The following ARSG variants were observed in gnomAD, a reference collection of about 807,000 sequenced individuals.
ARSG encodes the protein ASG.
ARSG carries 37 observed loss-of-function variants against 50.5 expected under a neutral mutation model. That is an observed-to-expected ratio of 0.73 (90% CI 0.56 to 0.96). The LOEUF (loss-of-function observed/expected upper bound fraction) is 0.96. ARSG is among the 50% of genes least tolerant of loss of function. The pLI, the probability that ARSG is intolerant of heterozygous loss-of-function variation, is 0.00. For synonymous variants in ARSG, 225 were observed against 254.6 expected (o/e 0.88, Z 1.11); for missense variants, 629 against 675.3 (o/e 0.93, Z 0.76).
Position 68,298,373 on chromosome 17 carries a change from T to C in ARSG, c.-552+6805T>C, listed in dbSNP as rs2145401735. ...ATCCCAGCAATTTGGGAGGGTGAGG[T>C]GGGTGGATCACTTTGAGATCAGGAG... is the stretch of plus-strand genomic sequence containing the variant. On this transcript the variant is annotated intron_variant, in intron 1 of 11. Coordinates refer to ENST00000621439, the MANE Select transcript of ARSG (RefSeq NM_001267727.2). Among the ~76,000 whole-genome samples the C allele has an allele frequency of 1.3e-5, 2 of 151,462 alleles. 1 individual carries two copies. Among genetic ancestry groups the C allele is most frequent in the Admixed American group, 1.3e-4 (2 of 15,234 alleles).
chr17:68,376,470 T>C (rs1216814125), intron 8 of ARSG, among the ~76,000 whole-genome samples: 1 of 151,966 alleles, frequency 6.6e-6, no homozygotes, highest in Admixed American at 6.6e-5. Context: ...AAAATTTTTT[T>C]TGTAGAGACG....
At chr17:68,441,771 T>C in the ARSG span, among the ~76,000 whole-genome samples, 1,338 of 152,216 alleles carry the variant, frequency 8.8e-3, 30 homozygotes, top group East Asian at 0.067. Flanking sequence ...AATGATCATC[T>C]CCATTTTACT....
At chr17:68,261,022 T>C (rs1246652777) in intron 1 of ARSG, among the ~76,000 whole-genome samples, 3 of 152,218 alleles carry the variant, frequency 2.0e-5, no homozygotes, top group African/African-American at 7.2e-5. Flanking sequence ...ACCCATATAG[T>C]ACACTACTGC....
At chr17:68,292,134 C>G (rs2076027468) in intron 1 of ARSG, among the ~76,000 whole-genome samples, 1 of 152,228 alleles carries the variant, frequency 6.6e-6, no homozygotes, top group African/African-American at 2.4e-5. Flanking sequence ...TTGCTTCCCC[C>G]ACTTTGCTGC....
chr17:68,363,528 C>T (rs1275656643), intron 6 of ARSG, among the ~76,000 whole-genome samples: 1 of 152,008 alleles, frequency 6.6e-6, no homozygotes, highest in Non-Finnish European at 1.5e-5. Context: ...AGTGCAATGG[C>T]GCGATCTCGG....
the ARSG span, among the ~76,000 whole-genome samples, chr17:68,443,292 T>G: frequency 6.6e-6 from 1 of 152,072 alleles, no homozygotes; most frequent in African/African-American, 2.4e-5. Flanking sequence ...TGTATTTTTT[T>G]GGTAGAGACA....
At position 68,278,210 on chromosome 17, in the gene ARSG, G is replaced by T. The variant is rs782359692; in HGVS notation, c.-552+18784G>T. Reference sequence around the variant, plus strand: ...CAAATGTCTTGATGATGCCGTAGGTGAAGACTTCAACGAAGAAAAATGAAA... The same window carrying T: ...CAAATGTCTTGATGATGCCGTAGGTTAAGACTTCAACGAAGAAAAATGAAA... On this transcript the variant is annotated intron_variant, in intron 1 of 11. Coordinates refer to the ARSG transcript ENST00000448504. 8.7e-6 allele frequency: 14 copies of T among 1,614,036 alleles called. No individual in the cohort carries two copies. The highest frequency in any genetic ancestry group is 2.2e-5 in the South Asian group (2 of 91,092).
chr17:68,449,749 C>A, the ARSG span, among the ~76,000 whole-genome samples: 7 of 152,226 alleles, frequency 4.6e-5, no homozygotes, highest in Non-Finnish European at 1.0e-4. Flanking sequence ...GCCTGCAGAA[C>A]CTTGACCCAG....
downstream of ARSG, chr17:68,425,849 C>G: frequency 2.1e-6 from 1 of 470,014 alleles, no homozygotes; most frequent in South Asian, 3.3e-5. Context: ...GATTAGTATT[C>G]GGTGACTCTA....
chr17:68,314,525 CAAAAAA>C (rs57021660), intron 2 of ARSG, among the ~76,000 whole-genome samples: 2 of 116,996 alleles, frequency 1.7e-5, no homozygotes, highest in Non-Finnish European at 1.7e-5. Flanking sequence ...GACTCCATCT[CAAAAAA>C]AAAAAAAAAA....
At chr17:68,384,984 T>C (rs1224891570) in intron 8 of ARSG, 80 bp from the exon 9 acceptor site, 1 of 1,178,544 alleles carries the variant, frequency 8.5e-7, no homozygotes, top group Non-Finnish European at 1.2e-6. Context: ...AGAGGGGTTC[T>C]CCCAGAGACT....
intron 9 of ARSG, among the ~76,000 whole-genome samples, chr17:68,390,922 C>T (rs903111333): frequency 8.5e-5 from 9 of 105,740 alleles, no homozygotes; most frequent in East Asian, 5.4e-4. Flanking sequence ...CCACTGTGCC[C>T]GGTCCTTTTT....
At chr17:68,335,310 T>C (rs535211354) in intron 2 of ARSG, among the ~76,000 whole-genome samples, 1 of 152,080 alleles carries the variant, frequency 6.6e-6, no homozygotes, top group East Asian at 1.9e-4. Flanking sequence ...TCCCAGCACT[T>C]TGGGAGGCCG....
chr17:68,310,368 G>A (rs565892694), intron 2 of ARSG, among the ~76,000 whole-genome samples: 6 of 152,322 alleles, frequency 3.9e-5, no homozygotes, highest in South Asian at 4.1e-4. Flanking sequence ...TGAGGCGTGG[G>A]AGATGTGACT....
chr17:68,321,245 G>A (rs1450515204), intron 2 of ARSG, among the ~76,000 whole-genome samples: 6 of 152,144 alleles, frequency 3.9e-5, no homozygotes, highest in African/African-American at 9.7e-5. Context: ...ATGAGTAGAC[G>A]AAAGGCACCA....
chr17:68,283,591 CG>C (rs2075768442), intron 1 of ARSG, among the ~76,000 whole-genome samples: 1 of 151,150 alleles, frequency 6.6e-6, no homozygotes, highest in African/African-American at 2.4e-5. Flanking sequence ...GAAGCTGAGG[CG>C]GGTGGATCAC....
chr17:68,344,980 G>C (rs982966454), intron 3 of ARSG, among the ~76,000 whole-genome samples: 24 of 152,334 alleles, frequency 1.6e-4, no homozygotes, highest in African/African-American at 4.8e-4. Flanking sequence ...CTGGAGTGCG[G>C]CATTCTTTGT....
At chr17:68,290,726 G>A (rs1555755510), upstream of ARSG, among the ~76,000 whole-genome samples, 3 of 152,322 alleles carry the variant, frequency 2.0e-5, no homozygotes, top group Non-Finnish European at 2.9e-5. Context: ...CGGAAAATCC[G>A]CGGAGGGGCT....
At chr17:68,343,915 T>C in intron 3 of ARSG, 124 bp downstream of exon 3, 2 of 1,007,172 alleles carry the variant, frequency 2.0e-6, no homozygotes, top group South Asian at 1.7e-5. Flanking sequence ...TTAGGGATGC[T>C]CTCAGCTATA....
Sources: allele counts gnomAD v4.1 joint callset (sites outside exome capture counted in the v4.1 genomes callset), GRCh38; gene constraint gnomAD v4.1.1; transcripts MANE v1.5; gene names NCBI Gene and HGNC (gene_info 2026-07-23, HGNC 2026-07-21).